STAC: variants seen among roughly 807,000 people sequenced by gnomAD.
The protein encoded by STAC is SH3 and cysteine-rich domain-containing protein.
STAC carries 43 observed loss-of-function variants against 48.8 expected under a neutral mutation model. The ratio of observed to expected loss-of-function variants is 0.88; its 90% confidence interval spans 0.69 to 1.14. The LOEUF (loss-of-function observed/expected upper bound fraction) is 1.14, where lower values mean the gene tolerates loss of function less well. Among genes scored for constraint, STAC ranks in the 50% most tolerant of loss-of-function variants. The pLI, the probability that STAC is intolerant of heterozygous loss-of-function variation, is 0.00. For missense variants in STAC, 497 were observed against 504.0 expected (o/e 0.99, Z 0.13); for synonymous variants, 193 against 179.5 (o/e 1.07, Z -0.60).
At chr3:36,533,853 T>C (rs1179498244) in intron 10 of STAC, among the ~76,000 whole-genome samples, 2 of 152,108 alleles carry the variant, frequency 1.3e-5, no homozygotes, top group African/African-American at 2.4e-5. Flanking sequence ...CTCATAATTA[T>C]TGTCTTCTTT....
In STAC at chr3:36,420,810, C is replaced by T. The variant is rs183879171; in HGVS notation, c.112-22554C>T. ...AAAACCTTTCTAAACAATATGTCAT[C>T]TGTTTCATTAAGTATTTGTGATGAG... On this transcript the variant is annotated intron_variant, in intron 1 of 10. Coordinates refer to ENST00000273183, the MANE Select transcript of STAC (RefSeq NM_003149.3). 8.5e-5 allele frequency among the ~76,000 whole-genome samples: 13 copies of T among 152,272 alleles called. No individual in the cohort carries two copies. In the East Asian group the frequency reaches 2.5e-3, roughly 29 times the overall value.
intron 6 of STAC, among the ~76,000 whole-genome samples, chr3:36,502,138 G>C (rs1254868777): frequency 7.2e-5 from 11 of 152,164 alleles, no homozygotes; most frequent in Admixed American, 7.2e-4. Context: ...GATAGGAAAA[G>C]AAGAAAGTTC....
intron 1 of STAC, among the ~76,000 whole-genome samples, chr3:36,414,936 C>G (rs1030476490): frequency 6.6e-6 from 1 of 152,212 alleles, no homozygotes; most frequent in Admixed American, 6.5e-5. Context: ...GAGGTCCACT[C>G]CAGACCCTGT....
At chr3:36,421,475 T>G (rs1333878995) in intron 1 of STAC, among the ~76,000 whole-genome samples, 4 of 152,164 alleles carry the variant, frequency 2.6e-5, no homozygotes, top group African/African-American at 9.7e-5. Flanking sequence ...TTTGGTACTG[T>G]AAACTTCTGA....
intron 2 of STAC, among the ~76,000 whole-genome samples, chr3:36,475,010 T>TGC (rs556802464): frequency 4.6e-5 from 7 of 152,164 alleles, no homozygotes; most frequent in Admixed American, 1.3e-4. Flanking sequence ...TGTGTGTGTG[T>TGC]GCGCGCGCGC....
intron 1 of STAC, among the ~76,000 whole-genome samples, chr3:36,426,955 TGTAA>T (rs1700579750): frequency 1.3e-5 from 2 of 152,164 alleles, no homozygotes; most frequent in Admixed American, 1.3e-4. Flanking sequence ...TAAAGCAAAA[TGTAA>T]GTGTGACAGC....
rs527468861 is a variant in STAC, at chr3:36,473,859, T to A, written c.389-9133T>A. ...AAAAGAATCAACAAAGCCGAGAACA[T>A]TGTTTTTATTAAATAAGGACTTTCA... On this transcript the variant is annotated intron_variant, in intron 2 of 10. Transcript: ENST00000273183. 4.7e-4 allele frequency among the ~76,000 whole-genome samples: 72 copies of A among 152,360 alleles called. No individual in the cohort carries two copies. The South Asian group carries it at 0.014, about 30-fold the overall frequency.
intron 1 of STAC, among the ~76,000 whole-genome samples, chr3:36,404,770 T>C (rs1457332242): frequency 1.3e-5 from 2 of 152,112 alleles, no homozygotes; most frequent in Non-Finnish European, 2.9e-5. Context: ...ATAGATGTTT[T>C]TAAATAAAAG....
intron 2 of STAC, among the ~76,000 whole-genome samples, chr3:36,470,014 T>C (rs911782107): frequency 1.3e-5 from 2 of 152,242 alleles, no homozygotes; most frequent in African/African-American, 4.8e-5. Flanking sequence ...AGTGAACCTT[T>C]CTCTGGTGCC....
chr3:36,541,284 A>T (rs1699318654), intron 10 of STAC, among the ~76,000 whole-genome samples: 1 of 152,202 alleles, frequency 6.6e-6, no homozygotes, highest in Non-Finnish European at 1.5e-5. Context: ...AACAAGGAGG[A>T]CAGAAACAGG....
chr3:36,546,352 C>A lies in STAC; in HGVS notation c.*63C>A. On this transcript the variant is annotated 3_prime_UTR_variant, in exon 11 of 11. Transcript: ENST00000273183. The stretch of plus-strand genomic sequence containing the variant: ...GCTGCGATGCCTCTGCCTCATCTCA[C>A]ACTGCGTCAACCCAAAGGAGCTGCC... 6.9e-7 allele frequency: 1 copy of A among 1,446,146 alleles called. No individual in the cohort carries two copies. 89.6% of individuals were successfully genotyped at this position (1,446,146 alleles called of 1,614,324 possible).
intron 2 of STAC, among the ~76,000 whole-genome samples, chr3:36,448,904 C>A (rs543738281): frequency 2.4e-4 from 3 of 12,504 alleles, no homozygotes; most frequent in Non-Finnish European, 3.1e-4. Flanking sequence ...ACAGTGAACC[C>A]CCCCCCCCAC....
intron 3 of STAC, among the ~76,000 whole-genome samples, 193 bp from the exon 4 acceptor site, chr3:36,484,784 A>T (rs75584204): frequency 0.017 from 2,635 of 152,252 alleles, 22 homozygotes; most frequent in Non-Finnish European, 0.021. Flanking sequence ...GTAACTTGCT[A>T]GTTGCCACTA....
rs568846587 is a variant in STAC, at chr3:36,442,724, A to G, written c.112-640A>G. 3.3e-5 allele frequency among the ~76,000 whole-genome samples: 5 copies of G among 150,698 alleles called. No homozygotes were observed. The South Asian group carries it at 1.1e-3, about 32-fold the overall frequency. On this transcript the variant is annotated intron_variant, in intron 1 of 10. Coordinates refer to ENST00000273183, the MANE Select transcript of STAC (RefSeq NM_003149.3). ...CAGATAAAGTCAAAAGGATAATACA[A>G]TATGTCCTATGTCCTACACACACAC...
At chr3:36,485,958 T>C (rs1697798839) in intron 4 of STAC, 176 bp from the exon 5 acceptor site, 1 of 576,314 alleles carries the variant, frequency 1.7e-6, no homozygotes, top group Non-Finnish European at 3.1e-6. Context: ...GGGAGCATGC[T>C]GGGTGGGGGT....
At chr3:36,411,464 A>G (rs866315882) in intron 1 of STAC, among the ~76,000 whole-genome samples, 58 of 152,192 alleles carry the variant, frequency 3.8e-4, no homozygotes, top group African/African-American at 1.4e-3. Context: ...TGTTCCTCAA[A>G]CACACAGAAT....
chr3:36,440,495 C>A (rs1052939827), intron 1 of STAC, among the ~76,000 whole-genome samples: 2 of 152,170 alleles, frequency 1.3e-5, no homozygotes, highest in African/African-American at 4.8e-5. Flanking sequence ...GTCTCATAAT[C>A]CTTCAGGCTA....
intron 6 of STAC, among the ~76,000 whole-genome samples, chr3:36,494,678 G>T (rs1469304527): frequency 1.3e-5 from 2 of 152,198 alleles, no homozygotes; most frequent in African/African-American, 4.8e-5. Flanking sequence ...ATCTACTAAA[G>T]CTCACCACTG....
rs577730676 is a variant in STAC at position 36,520,941 on chromosome 3, T to A, written c.921-7755T>A. Among the ~76,000 whole-genome samples, 28 of 152,276 alleles carry A rather than the reference T, an allele frequency of 1.8e-4. No individual in the cohort carries two copies. The South Asian group carries it at 5.4e-3, about 29-fold the overall frequency. ...GGGAAAGTGCAGGCAGTCTCGTGGA[T>A]ATCAGGCTTAAGACAAAATCAAAAT... On this transcript the variant is annotated intron_variant, in intron 8 of 10. Transcript: ENST00000273183.
Sources: allele counts gnomAD v4.1 joint callset (sites outside exome capture counted in the v4.1 genomes callset), GRCh38; gene constraint gnomAD v4.1.1; transcripts MANE v1.5; gene names NCBI Gene and HGNC (gene_info 2026-07-23, HGNC 2026-07-21).